The following LGSN variants were observed in gnomAD, a reference collection of about 807,000 sequenced individuals.
LGSN encodes lengsin.
In LGSN, 21 loss-of-function variants were observed where a neutral mutation model predicts 19.5. The ratio of observed to expected loss-of-function variants is 1.07; its 90% CI spans 0.76 to 1.55. The LOEUF is 1.55. Among genes scored for constraint, LGSN ranks in the 40% most tolerant of loss-of-function variants. The pLI is 0.00. For synonymous variants in LGSN, 257 were observed against 215.6 expected (o/e 1.19, Z -1.68); for missense variants, 673 against 608.5 (o/e 1.11, Z -1.12).
At chr6:63,467,977 G>A in the LGSN span, among the ~76,000 whole-genome samples, 1 of 151,554 alleles carries the variant, frequency 6.6e-6, no homozygotes, top group Non-Finnish European at 1.5e-5. Context: ...CAGACGTGAG[G>A]CACCGGGCCC....
chr6:63,459,751 T>C, the LGSN span, among the ~76,000 whole-genome samples: 1 of 152,032 alleles, frequency 6.6e-6, no homozygotes, highest in African/African-American at 2.4e-5. Context: ...CTGTCTCTAC[T>C]AAAAATACAA....
At chr6:63,313,291 G>C (rs1768702584) in intron 1 of LGSN, among the ~76,000 whole-genome samples, 1 of 152,054 alleles carries the variant, frequency 6.6e-6, no homozygotes, top group African/African-American at 2.4e-5. Context: ...GTCACTGGAG[G>C]CCTTGGTAAG....
the LGSN span, among the ~76,000 whole-genome samples, chr6:63,562,235 T>G: frequency 6.6e-6 from 1 of 151,612 alleles, no homozygotes; most frequent in Non-Finnish European, 1.5e-5. Context: ...GTTTTGCTCT[T>G]GTTTCCCAGG....
the LGSN span, among the ~76,000 whole-genome samples, chr6:63,425,217 A>T: frequency 6.6e-6 from 1 of 152,230 alleles, no homozygotes; most frequent in East Asian, 1.9e-4. Flanking sequence ...ACAGTTTCTT[A>T]AAAAGCTAAA....
At chr6:63,511,508 G>C in the LGSN span, among the ~76,000 whole-genome samples, 223 of 151,392 alleles carry the variant, frequency 1.5e-3, 2 homozygotes, top group African/African-American at 5.1e-3. Flanking sequence ...CACCCACCTT[G>C]GCCTCCCAAA....
the LGSN span, among the ~76,000 whole-genome samples, chr6:63,561,954 CATTTATCTGA>C: frequency 1.3e-5 from 2 of 152,000 alleles, no homozygotes; most frequent in Non-Finnish European, 2.9e-5. Context: ...CCTCTTTGAG[CATTTATCTGA>C]AATGATTTTT....
At chr6:63,310,390 T>C (rs1168569688) in intron 1 of LGSN, among the ~76,000 whole-genome samples, 1 of 152,128 alleles carries the variant, frequency 6.6e-6, no homozygotes, top group Non-Finnish European at 1.5e-5. Flanking sequence ...AATATAATCT[T>C]TTGATATATG....
chr6:63,461,208 A>G, the LGSN span, among the ~76,000 whole-genome samples: 66 of 152,142 alleles, frequency 4.3e-4, no homozygotes, highest in South Asian at 5.2e-3. Context: ...GCACCACCAT[A>G]CTGGGCTAAT....
At chr6:63,522,866 T>C in the LGSN span, among the ~76,000 whole-genome samples, 1 of 144,318 alleles carries the variant, frequency 6.9e-6, no homozygotes, top group Admixed American at 6.9e-5. Flanking sequence ...AAATCACTTT[T>C]TTTTTTTTTT....
chr6:63,547,187 ATTTT>A, the LGSN span, among the ~76,000 whole-genome samples: 1 of 133,980 alleles, frequency 7.5e-6, no homozygotes. Flanking sequence ...GTAGGGGGGA[ATTTT>A]TTTTTTTTTT....
intron 1 of LGSN, among the ~76,000 whole-genome samples, chr6:63,311,210 A>G (rs906303041): frequency 2.0e-5 from 3 of 152,140 alleles, no homozygotes; most frequent in African/African-American, 2.4e-5. Context: ...TAAAATTTCC[A>G]CTGAAAGCTC....
chr6:63,522,507 G>A, the LGSN span, among the ~76,000 whole-genome samples: 1 of 152,176 alleles, frequency 6.6e-6, no homozygotes, highest in Non-Finnish European at 1.5e-5. Context: ...TCCATGACAA[G>A]CTTTAGTAAG....
chr6:63,363,509 C>A, the LGSN span, among the ~76,000 whole-genome samples: 2 of 152,112 alleles, frequency 1.3e-5, no homozygotes, highest in African/African-American at 2.4e-5. Context: ...CCTTAAATGA[C>A]CTGATGGAGC....
At chr6:63,287,712 T>A (rs564052852) in intron 2 of LGSN, among the ~76,000 whole-genome samples, 1 of 151,634 alleles carries the variant, frequency 6.6e-6, no homozygotes, top group African/African-American at 2.4e-5. Context: ...TCTTAACCAA[T>A]AATAATAATA....
At chr6:63,567,820 C>A in the LGSN span, among the ~76,000 whole-genome samples, 195 of 152,344 alleles carry the variant, frequency 1.3e-3, no homozygotes, top group South Asian at 3.9e-3. Context: ...CCACCTTCAT[C>A]AATGTTCTTG....
chr6:63,315,501 T>C (rs1218512974), intron 1 of LGSN, among the ~76,000 whole-genome samples: 2 of 152,016 alleles, frequency 1.3e-5, no homozygotes, highest in African/African-American at 4.8e-5. Context: ...TTCACAGTAG[T>C]TACCCTCAAT....
chr6:63,423,046 A>G, the LGSN span, among the ~76,000 whole-genome samples: 2 of 152,214 alleles, frequency 1.3e-5, no homozygotes, highest in East Asian at 3.8e-4. Context: ...CTAAACTAAT[A>G]TCACTTAAAG....
At chr6:63,362,949 G>A in the LGSN span, among the ~76,000 whole-genome samples, 1 of 152,198 alleles carries the variant, frequency 6.6e-6, no homozygotes, top group African/African-American at 2.4e-5. Flanking sequence ...CCTCCCAGTA[G>A]GGGCCGACTG....
the LGSN span, among the ~76,000 whole-genome samples, chr6:63,452,657 C>CTCTCTCTG: frequency 6.7e-6 from 1 of 150,312 alleles, no homozygotes; most frequent in Non-Finnish European, 1.5e-5. Flanking sequence ...TTATCTTTCT[C>CTCTCTCTG]TCTCTCTCTC....
Sources: gnomAD v4.1 joint callset for allele counts (sites outside exome capture counted in the v4.1 genomes callset) on GRCh38, gnomAD v4.1.1 for gene constraint, MANE v1.5 for transcripts, NCBI Gene and HGNC (gene_info 2026-07-23, HGNC 2026-07-21) for gene names.